HDGF: variants seen among roughly 807,000 people sequenced by gnomAD.
HDGF encodes the protein heparin binding growth factor.
Under a neutral mutation model 30.0 loss-of-function variants are expected in HDGF, and 5 were observed. That is an observed-to-expected ratio of 0.17 (90% confidence interval 0.09 to 0.35). The LOEUF (loss-of-function observed/expected upper bound fraction) is 0.35. Ranked by LOEUF, HDGF falls within the 10% of genes least tolerant of loss-of-function variation. HDGF has a pLI of 1.00. For synonymous variants in HDGF, 133 were observed against 112.7 expected, an observed-to-expected ratio of 1.18 and a Z score of -1.14; for missense variants, 214 against 302.8, an observed-to-expected ratio of 0.71 and a Z score of 2.18.
At chr1:156,747,214 A>C (rs2102713868) in intron 1 of HDGF, among the ~76,000 whole-genome samples, 2 of 82,634 alleles carry the variant, frequency 2.4e-5, no homozygotes, top group Non-Finnish European at 2.4e-5. Flanking sequence ...GCCACTCAGC[A>C]ACCAGGAATG....
chr1:156,749,619 A>C (rs1309548546), intron 1 of HDGF, among the ~76,000 whole-genome samples: 1 of 152,136 alleles, frequency 6.6e-6, no homozygotes, highest in Non-Finnish European at 1.5e-5. Flanking sequence ...TGGAGGCCCA[A>C]AGTGGAGAGA....
intron 2 of HDGF, among the ~76,000 whole-genome samples, chr1:156,758,600 A>AAATAAAG: frequency 9.5e-6 from 1 of 105,222 alleles, no homozygotes; most frequent in South Asian, 3.6e-4. Context: ...CTCAAAAAAA[A>AAATAAAG]AAATAAATAA....
At chr1:156,743,533 C>T in intron 5 of HDGF, 78 bp from the exon 6 acceptor site, 1 of 1,586,690 alleles carries the variant, frequency 6.3e-7, no homozygotes, top group Non-Finnish European at 8.6e-7. Flanking sequence ...TGCCGGTCTC[C>T]TAGGAGAGCC....
Position 156,743,305 on chromosome 1 carries a change from G to T in HDGF, c.*144C>A. On this transcript the variant is annotated 3_prime_UTR_variant, in exon 6 of 6. Coordinates refer to ENST00000357325, the MANE Select transcript of HDGF (RefSeq NM_004494.3). ...ATCCAGGTCAATCTCCATGGGCTGG[G>T]CTTGGAGTGGGAAAAGTGAGTAGAA... 2 of 882,668 alleles carry T rather than the reference G, an allele frequency of 2.3e-6. No homozygotes were observed. Among genetic ancestry groups the T allele is most frequent in the Non-Finnish European group, 3.5e-6 (2 of 572,234 alleles). 54.7% of individuals were successfully genotyped at this position (882,668 alleles called of 1,614,324 possible).
intron 1 of HDGF, among the ~76,000 whole-genome samples, chr1:156,750,910 T>G (rs1389180741): frequency 6.7e-6 from 1 of 149,222 alleles, no homozygotes; most frequent in African/African-American, 2.5e-5. Flanking sequence ...GGGGCGACAA[T>G]CCACGAACAA....
intron 1 of HDGF, among the ~76,000 whole-genome samples, chr1:156,763,289 T>G (rs779904011): frequency 2.4e-4 from 37 of 152,174 alleles, no homozygotes; most frequent in Non-Finnish European, 5.0e-4. Flanking sequence ...CTCAGCTCAC[T>G]GCAACCTCTG....
In HDGF at chr1:156,743,306, C is replaced by T; in HGVS notation, c.*143G>A. 1 of 898,562 alleles carries T rather than the reference C, an allele frequency of 1.1e-6. No individual in the cohort carries two copies. The highest frequency in any genetic ancestry group is 1.7e-6 in the Non-Finnish European group (1 of 587,112). The allele number at this position is 898,562 out of a possible 1,614,324, so 55.7% of individuals were successfully genotyped here. On this transcript the variant is annotated 3_prime_UTR_variant, in exon 6 of 6. Transcript: ENST00000357325. ...TCCAGGTCAATCTCCATGGGCTGGG[C>T]TTGGAGTGGGAAAAGTGAGTAGAAG...
upstream of HDGF, among the ~76,000 whole-genome samples, chr1:156,752,655 T>G (rs1443696518): frequency 6.6e-6 from 1 of 152,186 alleles, no homozygotes; most frequent in East Asian, 1.9e-4. Context: ...TGCTAAGAAG[T>G]GATAGAACCA....
intron 1 of HDGF, among the ~76,000 whole-genome samples, chr1:156,764,751 C>T (rs1321346135): frequency 3.3e-5 from 5 of 151,360 alleles, no homozygotes; most frequent in African/African-American, 9.7e-5. Context: ...CTGGGCATGG[C>T]GGTGCACACC....
At chr1:156,757,380 C>T (rs11810917), upstream of HDGF, among the ~76,000 whole-genome samples, 653 of 152,080 alleles carry the variant, frequency 4.3e-3, no homozygotes, top group African/African-American at 0.015. Flanking sequence ...GCAGGAGAAT[C>T]GCTTGAACCC....
intron 1 of HDGF, among the ~76,000 whole-genome samples, chr1:156,761,442 C>T (rs1558040315): frequency 6.6e-6 from 1 of 150,478 alleles, no homozygotes; most frequent in Non-Finnish European, 1.5e-5. Flanking sequence ...AACCCCATCT[C>T]TACTAAAAAT....
At chr1:156,763,245 T>C (rs1206062037) in intron 1 of HDGF, among the ~76,000 whole-genome samples, 2 of 151,962 alleles carry the variant, frequency 1.3e-5, no homozygotes, top group African/African-American at 2.4e-5. Flanking sequence ...ATGGAGTCTC[T>C]CTCTGTTGCC....
At chr1:156,746,527 A>C (rs1376058616) in intron 1 of HDGF, among the ~76,000 whole-genome samples, 3 of 152,262 alleles carry the variant, frequency 2.0e-5, no homozygotes, top group African/African-American at 7.2e-5. Context: ...CAAGTTGTTG[A>C]GGGCCAGGTC....
At chr1:156,757,666 A>C (rs1188272186) in intron 2 of HDGF, among the ~76,000 whole-genome samples, 1 of 150,882 alleles carries the variant, frequency 6.6e-6, no homozygotes, top group Non-Finnish European at 1.5e-5. Flanking sequence ...GGTTGAGCAC[A>C]ACTGTAGTCC....
upstream of HDGF, among the ~76,000 whole-genome samples, chr1:156,754,691 C>G (rs1164086259): frequency 2.0e-5 from 3 of 152,288 alleles, no homozygotes; most frequent in Admixed American, 2.0e-4. Flanking sequence ...CGCCTGTAAT[C>G]CCAGCACTTC....
intron 1 of HDGF, among the ~76,000 whole-genome samples, chr1:156,764,331 C>T (rs1274271536): frequency 6.6e-6 from 1 of 151,976 alleles, no homozygotes; most frequent in Non-Finnish European, 1.5e-5. Context: ...CGGGTTCAAG[C>T]GATTCTCCTG....
chr1:156,752,185 C>T, upstream of HDGF: 1 of 1,551,706 alleles, frequency 6.4e-7, no homozygotes, highest in Non-Finnish European at 8.7e-7. Flanking sequence ...GGGCGCCGTG[C>T]CGCTCCGCGC....
chr1:156,751,169 C>T lies in HDGF; in HGVS notation c.87+174G>A, dbSNP rs901318979. 6.6e-6 allele frequency among the ~76,000 whole-genome samples: 1 copy of T among 151,900 alleles called. No individual in the cohort carries two copies. Among genetic ancestry groups the T allele is most frequent in the Non-Finnish European group, 1.5e-5 (1 of 67,924 alleles). On this transcript the variant is annotated intron_variant, in intron 1 of 5. Coordinates refer to ENST00000357325, the MANE Select transcript of HDGF (RefSeq NM_004494.3). This position sits in a 1 kb window ranked among gnomAD's most constrained non-coding sequence, Gnocchi z 4.7. Reference sequence around the variant, plus strand: ...AGGTGTCTACCCCCACCCCCGCCCGCCTCCACCATTATATAACCGGCGGGT... The same window carrying T: ...AGGTGTCTACCCCCACCCCCGCCCGTCTCCACCATTATATAACCGGCGGGT...
upstream of HDGF, among the ~76,000 whole-genome samples, chr1:156,756,883 C>A (rs1651161992): frequency 6.6e-6 from 1 of 150,764 alleles, no homozygotes; most frequent in African/African-American, 2.5e-5. Flanking sequence ...ACCTCCACCT[C>A]CTGGGTTTAA....
Sources: gnomAD v4.1 joint callset for allele counts (sites outside exome capture counted in the v4.1 genomes callset) on GRCh38, gnomAD v4.1.1 for gene constraint, Gnocchi (gnomAD v3.1) non-coding constraint, MANE v1.5 for transcripts, NCBI Gene and HGNC (gene_info 2026-07-23, HGNC 2026-07-21) for gene names.